Variants in RAB3GAP1 observed in about 807,000 individuals in gnomAD.
The protein encoded by RAB3GAP1 is RAB3 GTPase activating protein catalytic subunit 1, also known as rab3 GTPase-activating protein catalytic subunit.
In RAB3GAP1, 86 loss-of-function variants were observed where a neutral mutation model predicts 130.7. The ratio of observed to expected loss-of-function variants is 0.66; its 90% CI spans 0.55 to 0.79. RAB3GAP1 has a LOEUF of 0.79. Ranked by LOEUF, RAB3GAP1 falls within the 30% of genes least tolerant of loss-of-function variation. The pLI, the probability that RAB3GAP1 is intolerant of heterozygous loss-of-function variation, is 0.00. For synonymous variants in RAB3GAP1, 367 were observed against 401.7 expected (o/e 0.91, Z 1.03); for missense variants, 1,029 against 1,169.4 (o/e 0.88, Z 1.75).
chr2:135,120,719 G>T (rs1691171667), intron 7 of RAB3GAP1, 100 bp from the exon 8 acceptor site: 2 of 852,238 alleles, frequency 2.3e-6, no homozygotes, highest in African/African-American at 3.3e-5. Flanking sequence ...TTTCATAAAG[G>T]TAGTATTAAT....
At chr2:135,099,425 G>C (rs1484638071) in intron 5 of RAB3GAP1, among the ~76,000 whole-genome samples, 1 of 143,992 alleles carries the variant, frequency 6.9e-6, no homozygotes, top group African/African-American at 2.7e-5. Context: ...GGTGCAATTT[G>C]TATTTCTGTG....
intron 2 of RAB3GAP1, among the ~76,000 whole-genome samples, chr2:135,057,166 T>C (rs1197230894): frequency 6.6e-6 from 1 of 152,228 alleles, no homozygotes; most frequent in Non-Finnish European, 1.5e-5. Flanking sequence ...TAAAGATTGG[T>C]GACTAGTTTT....
chr2:135,162,927 C>T (rs1692509382), intron 21 of RAB3GAP1, 59 bp from the exon 22 acceptor site: 4 of 1,576,054 alleles, frequency 2.5e-6, no homozygotes, highest in Middle Eastern at 1.7e-4. Context: ...GATGCGTTTT[C>T]AAAGGGCTTT....
intron 3 of RAB3GAP1, among the ~76,000 whole-genome samples, chr2:135,070,286 T>TCAG (rs1467057291): frequency 6.6e-6 from 1 of 152,152 alleles, no homozygotes; most frequent in Non-Finnish European, 1.5e-5. Context: ...ATAAAATCCC[T>TCAG]CTGTTATTTT....
At chr2:135,073,834 A>G (rs542808955) in intron 3 of RAB3GAP1, among the ~76,000 whole-genome samples, 18 of 152,294 alleles carry the variant, frequency 1.2e-4, no homozygotes, top group African/African-American at 3.4e-4. Flanking sequence ...AATGCAACCC[A>G]GGGGTGAGTC....
At chr2:135,071,930 T>G (rs543719202) in intron 3 of RAB3GAP1, among the ~76,000 whole-genome samples, 1 of 152,146 alleles carries the variant, frequency 6.6e-6, no homozygotes, top group Admixed American at 6.5e-5. Flanking sequence ...TTCTTTCTTT[T>G]TGAAATGAGT....
chr2:135,078,768 C>T (rs75347139), intron 3 of RAB3GAP1, among the ~76,000 whole-genome samples: 8,514 of 148,290 alleles, frequency 0.057, 484 homozygotes, highest in African/African-American at 0.15. Flanking sequence ...GCAACCTCAA[C>T]CTCCTGGAAT....
At chr2:135,138,142 G>T (rs1402261131) in intron 17 of RAB3GAP1, among the ~76,000 whole-genome samples, 1 of 151,700 alleles carries the variant, frequency 6.6e-6, no homozygotes, top group Non-Finnish European at 1.5e-5. Context: ...ACATTCTATT[G>T]TGAAAATTGT....
chr2:135,119,524 G>A (rs1400717263), intron 7 of RAB3GAP1, among the ~76,000 whole-genome samples: 1 of 152,142 alleles, frequency 6.6e-6, no homozygotes, highest in Non-Finnish European at 1.5e-5. Flanking sequence ...CTTATTATAG[G>A]TGAATGCTCA....
chr2:135,105,983 C>A (rs1350940878), intron 5 of RAB3GAP1, among the ~76,000 whole-genome samples: 4 of 151,220 alleles, frequency 2.6e-5, no homozygotes, highest in Non-Finnish European at 5.9e-5. Context: ...AAGTGAGGAG[C>A]CCCTCCGCCC....
Position 135,052,344 on chromosome 2 carries a change from A to G in RAB3GAP1, c.18+19A>G. ...CAGTGAGGTGATTTCTTTGCTCCCTACTTAATCCTTGTCACTATCTAAATT... is the reference window on the plus strand; with the variant it reads ...CAGTGAGGTGATTTCTTTGCTCCCTGCTTAATCCTTGTCACTATCTAAATT... On this transcript the variant is annotated intron_variant, in intron 1 of 23. Coordinates refer to ENST00000264158, the MANE Select transcript of RAB3GAP1 (RefSeq NM_012233.3). 4 of 1,614,090 alleles carry G rather than the reference A, an allele frequency of 2.5e-6. No homozygotes were observed. The highest frequency in any genetic ancestry group is 3.4e-6 in the Non-Finnish European group (4 of 1,180,014).
At position 135,135,598 on chromosome 2, in the gene RAB3GAP1, G is replaced by A. The variant is rs750740610; in HGVS notation, c.1589G>A (p.Arg530His). Reference protein sequence around the residue: ...LNCCIERKKARDEGKKTSASD... With the variant: ...LNCCIERKKAHDEGKKTSASD... ...TGTTGTATTGAAAGAAAGAAGGCAC[G>A]TGATGAGGGGAAAAAGACAAGTGCT... Residue 530 changes from arginine to histidine, a missense_variant, in exon 17 of 24, where the codon CGT (arginine) becomes CAT (histidine). This residue lies in a region of RAB3GAP1 where 373 missense variants were observed against 493.6 expected (regional missense o/e 0.76). Transcript: ENST00000264158. 5 of 1,607,892 alleles carry A rather than the reference G, an allele frequency of 3.1e-6. No individual in the cohort carries two copies. The highest frequency in any genetic ancestry group is 2.2e-5 in the South Asian group (2 of 90,736).
intron 18 of RAB3GAP1, among the ~76,000 whole-genome samples, chr2:135,153,162 A>G (rs1159969030): frequency 6.6e-6 from 1 of 151,974 alleles, no homozygotes; most frequent in African/African-American, 2.4e-5. Flanking sequence ...AAAGAAGAAC[A>G]GAACTTTTCC....
intron 7 of RAB3GAP1, among the ~76,000 whole-genome samples, chr2:135,118,155 T>A (rs527919139): frequency 6.6e-6 from 1 of 152,298 alleles, no homozygotes; most frequent in Non-Finnish European, 1.5e-5. Flanking sequence ...TTAGTCCTTC[T>A]TCTTAAGAAA....
chr2:135,168,546 C>T lies in RAB3GAP1; in HGVS notation c.2711C>T (p.Ala904Val). Residue 904 changes from alanine to valine, a missense_variant and splice_region_variant, in exon 24 of 24, where the codon GCT becomes GTT. Coordinates refer to ENST00000264158, the MANE Select transcript of RAB3GAP1 (RefSeq NM_012233.3). ...CTTTAGCATTTGATTCTTTTCCAGG[C>T]TGCAGCTATGACTCCACCAGAGGAG... Reference protein sequence around the residue: ...IHKLFVNAQRAAAMTPPEEEL... With the variant: ...IHKLFVNAQRVAAMTPPEEEL... The T allele has an allele frequency of 6.2e-7, 1 of 1,613,350 alleles. No homozygotes were observed. The highest frequency in any genetic ancestry group is 8.5e-7 in the Non-Finnish European group (1 of 1,179,298).
chr2:135,089,884 A>C (rs1427557730), intron 3 of RAB3GAP1: 1 of 382,132 alleles, frequency 2.6e-6, no homozygotes, highest in South Asian at 1.9e-5. Flanking sequence ...TGAGTTGAAC[A>C]GTGAGAACAC....
At chr2:135,103,225 T>C (rs1690504160) in intron 5 of RAB3GAP1, among the ~76,000 whole-genome samples, 1 of 151,622 alleles carries the variant, frequency 6.6e-6, no homozygotes, top group South Asian at 2.1e-4. Flanking sequence ...TTAGTAGAGA[T>C]GGGGTTTCAA....
At chr2:135,152,082 C>A (rs1012244950) in intron 18 of RAB3GAP1, among the ~76,000 whole-genome samples, 1 of 152,114 alleles carries the variant, frequency 6.6e-6, no homozygotes, top group Non-Finnish European at 1.5e-5. Flanking sequence ...ACATATACAC[C>A]CATATGTAGA....
At chr2:135,141,124 CT>C (rs1409577592) in intron 17 of RAB3GAP1, among the ~76,000 whole-genome samples, 2 of 146,492 alleles carry the variant, frequency 1.4e-5, no homozygotes, top group East Asian at 2.0e-4. Context: ...AAGCAGTTGT[CT>C]TTTTTTTTCT....
Sources: allele counts gnomAD v4.1 joint callset (sites outside exome capture counted in the v4.1 genomes callset), GRCh38; gene constraint gnomAD v4.1.1; regional missense constraint gnomAD v4.1.1; transcripts MANE v1.5; gene names NCBI Gene and HGNC (gene_info 2026-07-23, HGNC 2026-07-21).